Variants in SNX13 observed in about 807,000 individuals in gnomAD.
The protein encoded by SNX13 is sorting nexin-13.
A neutral mutation model predicts 133.6 loss-of-function variants in SNX13; 45 were observed. The observed-to-expected ratio is 0.34, with a 90% CI of 0.27 to 0.43. SNX13 has a LOEUF of 0.43. Ranked by LOEUF, SNX13 falls within the 20% of genes least tolerant of loss-of-function variation. The probability of loss-of-function intolerance (pLI) is 1.00; values close to 1 mark genes in which losing one functional copy is unlikely to be tolerated. For synonymous variants in SNX13, 414 were observed against 373.9 expected (o/e 1.11, Z -1.24); for missense variants, 1,032 against 1,145.1 (o/e 0.90, Z 1.43).
chr7:17,896,142 C>T (rs111774306), intron 2 of SNX13, among the ~76,000 whole-genome samples: 49 of 152,296 alleles, frequency 3.2e-4, no homozygotes, highest in African/African-American at 1.1e-3. Context: ...GGCTGCAGAT[C>T]TGTAGTATCT....
chr7:17,871,320 A>T (rs1794096717), intron 8 of SNX13, among the ~76,000 whole-genome samples: 1 of 152,134 alleles, frequency 6.6e-6, no homozygotes, highest in African/African-American at 2.4e-5. Context: ...ATCATTCTTA[A>T]CAGAGAAAAA....
chr7:17,828,692 T>C (rs934180294), intron 16 of SNX13, among the ~76,000 whole-genome samples: 43 of 151,624 alleles, frequency 2.8e-4, no homozygotes, highest in African/African-American at 1.0e-3. Flanking sequence ...TCCAAGTCAC[T>C]GACTTCAAGT....
chr7:17,934,369 T>A (rs1801786908), intron 1 of SNX13, among the ~76,000 whole-genome samples: 1 of 152,174 alleles, frequency 6.6e-6, no homozygotes. Flanking sequence ...GTCATTGTGG[T>A]GGATAATTTT....
intron 5 of SNX13, among the ~76,000 whole-genome samples, chr7:17,876,128 T>C (rs575279519): frequency 1.3e-5 from 2 of 152,250 alleles, no homozygotes; most frequent in South Asian, 2.1e-4. Context: ...AGCCCCAACA[T>C]AAGAATACAT....
At chr7:17,871,040 C>T (rs942027087) in intron 8 of SNX13, among the ~76,000 whole-genome samples, 6 of 150,708 alleles carry the variant, frequency 4.0e-5, no homozygotes, top group African/African-American at 1.5e-4. Flanking sequence ...GAGTCTGGCT[C>T]TGTCGCCCAG....
intron 8 of SNX13, among the ~76,000 whole-genome samples, chr7:17,869,148 C>G (rs1298118016): frequency 6.6e-6 from 1 of 152,072 alleles, no homozygotes; most frequent in Non-Finnish European, 1.5e-5. Flanking sequence ...ATCATTCCAA[C>G]AGAAATATGC....
chr7:17,859,275 G>C (rs1240268196), intron 9 of SNX13, among the ~76,000 whole-genome samples: 1 of 151,850 alleles, frequency 6.6e-6, no homozygotes, highest in East Asian at 1.9e-4. Flanking sequence ...GAGAAAATGA[G>C]CACTTGAAAA....
intron 18 of SNX13, among the ~76,000 whole-genome samples, chr7:17,818,137 A>G (rs1283433345): frequency 6.6e-6 from 1 of 152,202 alleles, no homozygotes; most frequent in East Asian, 1.9e-4. Flanking sequence ...CAAGCCAAGA[A>G]GCGAGGCCTC....
intron 16 of SNX13, among the ~76,000 whole-genome samples, chr7:17,826,566 G>C (rs1445705555): frequency 6.6e-6 from 1 of 151,980 alleles, no homozygotes; most frequent in Non-Finnish European, 1.5e-5. Flanking sequence ...CTAAGTCAGA[G>C]AATTATGTGG....
intron 1 of SNX13, among the ~76,000 whole-genome samples, chr7:17,939,760 T>C (rs1242456368): frequency 1.3e-5 from 2 of 152,144 alleles, no homozygotes; most frequent in Non-Finnish European, 2.9e-5. Flanking sequence ...GCCATACATG[T>C]GCAGCTTGAG....
intron 16 of SNX13, among the ~76,000 whole-genome samples, chr7:17,829,183 C>T (rs1788215991): frequency 6.6e-6 from 1 of 151,510 alleles, no homozygotes; most frequent in Admixed American, 6.6e-5. Context: ...ACCTCTAAAA[C>T]ATTTAGCTAT....
In SNX13 at chr7:17,791,218, T is replaced by A. The variant is rs1354028291; in HGVS notation, c.*2827A>T. The A allele has an allele frequency of 2.0e-5, 3 of 152,100 alleles. No individual in the cohort carries two copies. In the East Asian group the frequency reaches 5.8e-4, roughly 29 times the overall value. The allele number at this position is 152,100 out of a possible 1,614,324, so 9.4% of individuals were successfully genotyped here. Reference sequence around the variant, plus strand: ...CAAATACACATGCATTAAATGAAAATATTGCACAAAATTAAAATTTTAGAT... The same window carrying A: ...CAAATACACATGCATTAAATGAAAAAATTGCACAAAATTAAAATTTTAGAT... On this transcript the variant is annotated 3_prime_UTR_variant, in exon 26 of 26. Coordinates refer to ENST00000428135, the MANE Select transcript of SNX13 (RefSeq NM_015132.5).
At position 17,927,135 on chromosome 7, in the gene SNX13, C is replaced by T. The variant is rs116538240; in HGVS notation, c.12+13149G>A. ...TAAAAAATATAAACTATGCTCTTGA[C>T]ATTTTTGACATATATATACATTACA... On this transcript the variant is annotated intron_variant, in intron 1 of 25. Transcript: ENST00000428135. Among the ~76,000 whole-genome samples the T allele has an allele frequency of 4.2e-3, 636 of 151,150 alleles. 1 individual carries two copies. Among genetic ancestry groups the T allele is most frequent in the African/African-American group, 0.015 (606 of 41,246 alleles).
At chr7:17,835,220 C>T (rs958729248) in intron 13 of SNX13, among the ~76,000 whole-genome samples, 1 of 151,724 alleles carries the variant, frequency 6.6e-6, no homozygotes, top group African/African-American at 2.4e-5. Flanking sequence ...AAGATATATA[C>T]CATAGTGTCT....
chr7:17,920,067 G>C (rs55764039), intron 1 of SNX13, among the ~76,000 whole-genome samples: 3,143 of 152,178 alleles, frequency 0.021, 52 homozygotes, highest in Middle Eastern at 0.054. Flanking sequence ...CTTAAAACAG[G>C]CTTCATCTAT....
chr7:17,852,133 G>T (rs995143505), intron 9 of SNX13, among the ~76,000 whole-genome samples: 4 of 152,246 alleles, frequency 2.6e-5, no homozygotes, highest in Non-Finnish European at 4.4e-5. Context: ...CAGCACTTTG[G>T]TAGGCCAAGG....
intron 2 of SNX13, among the ~76,000 whole-genome samples, chr7:17,893,867 G>C (rs989496945): frequency 6.6e-6 from 1 of 151,526 alleles, no homozygotes; most frequent in Non-Finnish European, 1.5e-5. Flanking sequence ...AGCTACTTGG[G>C]AGGCTGAGGC....
chr7:17,888,528 C>A, intron 5 of SNX13: 1 of 250,378 alleles, frequency 4.0e-6, no homozygotes, highest in South Asian at 3.9e-5. Flanking sequence ...TTGATTCTAA[C>A]TCACTAGATA....
chr7:17,853,810 T>C (rs2691622), intron 9 of SNX13, among the ~76,000 whole-genome samples: 140,887 of 152,182 alleles, frequency 0.93, 65,385 homozygotes, highest in African/African-American at 0.98. Context: ...GGCATGCTGG[T>C]GGGCACCTGT....
Sources: gnomAD v4.1 joint callset for allele counts (sites outside exome capture counted in the v4.1 genomes callset) on GRCh38, gnomAD v4.1.1 for gene constraint, MANE v1.5 for transcripts, NCBI Gene and HGNC (gene_info 2026-07-23, HGNC 2026-07-21) for gene names.